Variants in SLC71A2 observed in about 807,000 individuals in gnomAD.
SLC71A2 encodes solute carrier family 71 member 2.
At chr9:94,442,579 G>A in the SLC71A2 span, among the ~76,000 whole-genome samples, 36 of 152,248 alleles carry the variant, frequency 2.4e-4, 1 homozygote, top group African/African-American at 6.7e-4. Flanking sequence ...GGCCGGGTGC[G>A]GTGGCTCACG....
At chr9:94,410,544 T>A in the SLC71A2 span, among the ~76,000 whole-genome samples, 36 of 152,116 alleles carry the variant, frequency 2.4e-4, no homozygotes, top group African/African-American at 8.7e-4. Flanking sequence ...TAATTTGATG[T>A]TGCATTGTAT....
At chr9:94,434,202 ATTTTGT>A in the SLC71A2 span, among the ~76,000 whole-genome samples, 273 of 152,344 alleles carry the variant, frequency 1.8e-3, no homozygotes, top group South Asian at 2.1e-3. Context: ...TACTTTAAAA[ATTTTGT>A]TTTTAACAAC....
chr9:94,397,354 T>C, the SLC71A2 span, among the ~76,000 whole-genome samples: 1 of 152,238 alleles, frequency 6.6e-6, no homozygotes, highest in East Asian at 1.9e-4. Context: ...CACACTACTT[T>C]GGGACACTGA....
the SLC71A2 span, among the ~76,000 whole-genome samples, chr9:94,390,136 C>T: frequency 6.0e-3 from 909 of 152,238 alleles, 7 homozygotes; most frequent in African/African-American, 0.02. Context: ...ATGGCGTGAA[C>T]CCAGGAGGCG....
the SLC71A2 span, chr9:94,453,867 G>T: frequency 1.2e-6 from 1 of 845,116 alleles, no homozygotes; most frequent in Non-Finnish European, 2.0e-6. Context: ...AGAGGTCTCT[G>T]GTCATCAGGG....
chr9:94,442,137 A>G, the SLC71A2 span, among the ~76,000 whole-genome samples: 2 of 152,190 alleles, frequency 1.3e-5, no homozygotes, highest in Non-Finnish European at 2.9e-5. Context: ...GTTGTGGGGA[A>G]TAGGTTGGAG....
the SLC71A2 span, among the ~76,000 whole-genome samples, chr9:94,421,101 C>T: frequency 1.6e-5 from 2 of 128,600 alleles, no homozygotes; most frequent in Middle Eastern, 3.9e-3. Context: ...CTCCTACCCT[C>T]GCAATATAAA....
chr9:94,399,823 G>A, the SLC71A2 span, among the ~76,000 whole-genome samples: 35 of 114,770 alleles, frequency 3.0e-4, 1 homozygote, highest in East Asian at 0.01. Flanking sequence ...TTTTTTTTTT[G>A]AGATGGAGTT....
the SLC71A2 span, among the ~76,000 whole-genome samples, chr9:94,429,992 C>T: frequency 3.4e-5 from 5 of 148,286 alleles, no homozygotes; most frequent in South Asian, 4.3e-4. Context: ...CTGCAGCATC[C>T]GCCTCCCGGG....
chr9:94,403,058 C>T, the SLC71A2 span, among the ~76,000 whole-genome samples: 2 of 152,180 alleles, frequency 1.3e-5, no homozygotes, highest in Non-Finnish European at 2.9e-5. Context: ...ATTCTACTTA[C>T]TGTCTATGAA....
the SLC71A2 span, among the ~76,000 whole-genome samples, chr9:94,388,533 A>G: frequency 6.6e-6 from 1 of 152,382 alleles, no homozygotes; most frequent in East Asian, 1.9e-4. Flanking sequence ...GTTGTGGCAC[A>G]TACATTAGGT....
the SLC71A2 span, among the ~76,000 whole-genome samples, chr9:94,389,122 A>G: frequency 6.6e-6 from 1 of 151,556 alleles, no homozygotes; most frequent in African/African-American, 2.4e-5. Flanking sequence ...GGTTAAAGAC[A>G]GGAAGCTATT....
chr9:94,455,378 ATTTTTTT>A, the SLC71A2 span, among the ~76,000 whole-genome samples: 14 of 85,780 alleles, frequency 1.6e-4, no homozygotes, highest in South Asian at 4.4e-4. Context: ...TAATATTCTG[ATTTTTTT>A]TTTTTTTTTT....
the SLC71A2 span, among the ~76,000 whole-genome samples, chr9:94,409,155 T>C: frequency 2.4e-4 from 33 of 140,390 alleles, no homozygotes; most frequent in African/African-American, 7.7e-4. Context: ...TTTTTTTTTT[T>C]TAAGGCAAGG....
chr9:94,396,402 C>T, the SLC71A2 span, among the ~76,000 whole-genome samples: 3 of 152,150 alleles, frequency 2.0e-5, no homozygotes, highest in African/African-American at 7.2e-5. Flanking sequence ...GTAGTTTCAG[C>T]TACTGGGAAG....
the SLC71A2 span, among the ~76,000 whole-genome samples, chr9:94,375,532 G>T: frequency 6.6e-6 from 1 of 152,120 alleles, no homozygotes; most frequent in African/African-American, 2.4e-5. Context: ...GGTTTCGGCA[G>T]AACAGGCCTT....
At chr9:94,410,492 C>T in the SLC71A2 span, among the ~76,000 whole-genome samples, 1 of 151,898 alleles carries the variant, frequency 6.6e-6, no homozygotes, top group East Asian at 1.9e-4. Flanking sequence ...TTCCAAATAG[C>T]TGGGACTACA....
the SLC71A2 span, among the ~76,000 whole-genome samples, chr9:94,389,043 A>C: frequency 3.3e-5 from 5 of 152,044 alleles, no homozygotes; most frequent in East Asian, 7.7e-4. Context: ...ACTAGAGGCT[A>C]TAAGGGGCCT....
At chr9:94,435,641 T>A in the SLC71A2 span, among the ~76,000 whole-genome samples, 1 of 140,408 alleles carries the variant, frequency 7.1e-6, no homozygotes, top group Admixed American at 8.1e-5. Context: ...CCGAACCTTT[T>A]TCCTTCTTCT....
Sources: allele counts gnomAD v4.1 joint callset (sites outside exome capture counted in the v4.1 genomes callset), GRCh38; gene constraint gnomAD v4.1.1; transcripts MANE v1.5; gene names NCBI Gene and HGNC (gene_info 2026-07-23, HGNC 2026-07-21).